The following ZNF404 variants were observed in gnomAD, a reference collection of about 807,000 sequenced individuals.
ZNF404 encodes zinc finger protein 404.
In ZNF404, 7 loss-of-function variants were observed where a neutral mutation model predicts 7.3. The ratio of observed to expected loss-of-function variants is 0.95; its 90% CI spans 0.54 to 1.79. The LOEUF is 1.79. ZNF404 is among the 40% of genes most tolerant of loss of function. The pLI, the probability that ZNF404 is intolerant of heterozygous loss-of-function variation, is 0.00. For missense variants in ZNF404, 560 were observed against 661.5 expected, an observed-to-expected ratio of 0.85 and a Z score of 1.68; for synonymous variants, 191 against 209.9, an observed-to-expected ratio of 0.91 and a Z score of 0.78.
In ZNF404 at chr19:43,873,927, A is replaced by G; in HGVS notation, c.287T>C (p.Phe96Ser). The change falls in exon 3 of 3, where the codon TTT becomes TCT. Residue 96 changes from phenylalanine (F) to serine (S), a missense_variant. By Grantham distance (155) the Phe-to-Ser change is radical. Coordinates refer to ENST00000587539, the MANE Select transcript of ZNF404 (RefSeq NM_001033719.3). ...CACTTTAGGTCTCTGTTGTCTCCCA[A>G]ATTCAATTGTGTACTGTGGGTCAGT... is the stretch of plus-strand genomic sequence containing the variant. ...FRTDPQYTIEFGRQQRPKVGC... is the reference protein window; with the variant it reads ...FRTDPQYTIESGRQQRPKVGC... The G allele has an allele frequency of 1.2e-6, 2 of 1,613,168 alleles. No homozygotes were observed. The highest frequency in any genetic ancestry group is 2.2e-5 in the South Asian group (2 of 91,036).
intron 2 of ZNF404, among the ~76,000 whole-genome samples, chr19:43,876,624 C>T (rs1316524271): frequency 3.9e-5 from 6 of 151,904 alleles, no homozygotes; most frequent in Non-Finnish European, 8.8e-5. Context: ...AAAGTGACAC[C>T]AGCTAGACTT....
intron 1 of ZNF404, among the ~76,000 whole-genome samples, chr19:43,882,849 C>T (rs545977181): frequency 2.0e-5 from 3 of 151,386 alleles, no homozygotes; most frequent in South Asian, 4.2e-4. Flanking sequence ...GACTGTAATC[C>T]CAGCACTTTG....
intron 2 of ZNF404, 80 bp from the exon 3 acceptor site, chr19:43,874,157 G>A (rs866371895): frequency 1.3e-5 from 13 of 983,922 alleles, no homozygotes; most frequent in Admixed American, 9.6e-5. Context: ...TAAAAATAGT[G>A]ATAAACTAAA....
intron 2 of ZNF404, among the ~76,000 whole-genome samples, chr19:43,878,268 T>C (rs966754359): frequency 1.4e-5 from 2 of 147,930 alleles, no homozygotes; most frequent in African/African-American, 5.0e-5. Context: ...TTTTAATGAT[T>C]GCCATTCTAA....
chr19:43,882,141 G>A (rs1273404015), intron 1 of ZNF404, among the ~76,000 whole-genome samples: 1 of 152,160 alleles, frequency 6.6e-6, no homozygotes, highest in Admixed American at 6.5e-5. Flanking sequence ...TAAAGAGTAT[G>A]TGGTGTTTGC....
chr19:43,883,016 G>A (rs562722561), intron 1 of ZNF404, among the ~76,000 whole-genome samples: 3 of 151,684 alleles, frequency 2.0e-5, no homozygotes, highest in Non-Finnish European at 4.4e-5. Context: ...CAGGAGAATC[G>A]CTTGAACCTG....
intron 2 of ZNF404, among the ~76,000 whole-genome samples, chr19:43,877,838 G>GT (rs1402165609): frequency 6.6e-6 from 1 of 150,610 alleles, no homozygotes; most frequent in Non-Finnish European, 1.5e-5. Flanking sequence ...GCGGTGTTTG[G>GT]TTTTTTGTTC....
In ZNF404 at chr19:43,872,420, A is replaced by AT. The variant is rs1210584396; in HGVS notation, c.*134dup. On this transcript the variant is annotated 3_prime_UTR_variant, in exon 3 of 3. Coordinates refer to ENST00000587539, the MANE Select transcript of ZNF404 (RefSeq NM_001033719.3). This position sits in a 1 kb window ranked among gnomAD's most constrained non-coding sequence, Gnocchi z 4.4. ...CTAACAATTATCATAAAAATAATGT[A>AT]TTTAGTAAGCAAATACGATGTGCCA... 1.7e-6 allele frequency: 1 copy of AT among 597,486 alleles called. No homozygotes were observed. The highest frequency in any genetic ancestry group is 1.9e-5 in the African/African-American group (1 of 52,758). The allele number at this position is 597,486 out of a possible 1,614,324, so 37.0% of individuals were successfully genotyped here.
In ZNF404 at chr19:43,873,986, A is replaced by C. The variant is rs545303355; in HGVS notation, c.228T>G (p.Asn76Lys). ...NAYHQETWKR[N>K]KTFNLMRFIF... ...TAAACCTCATAAGGTTGAAGGTTTT[A>C]TTTCTTTTCCATGTCTCCTGATGGT... Residue 76 changes from asparagine (N) to lysine (K), a missense_variant, in exon 3 of 3, where the codon AAT becomes AAG. Transcript: ENST00000587539. The C allele has an allele frequency of 6.8e-6, 11 of 1,612,248 alleles. No homozygotes were observed. Among genetic ancestry groups the C allele is most frequent in the East Asian group, 2.2e-5 (1 of 44,804 alleles).
intron 2 of ZNF404, among the ~76,000 whole-genome samples, chr19:43,878,931 GC>G (rs1971873585): frequency 6.6e-6 from 1 of 151,940 alleles, no homozygotes; most frequent in African/African-American, 2.4e-5. Flanking sequence ...GTGGAAGATA[GC>G]ATCATCTGAA....
At chr19:43,880,665 G>A (rs112493810) in intron 1 of ZNF404, among the ~76,000 whole-genome samples, 22 of 152,128 alleles carry the variant, frequency 1.4e-4, no homozygotes, top group South Asian at 6.2e-4. Context: ...AAAACATTGC[G>A]CAATGATACC....
intron 2 of ZNF404, among the ~76,000 whole-genome samples, chr19:43,874,347 A>AGCATTTTACATACACTATCTTT (rs1415425176): frequency 2.0e-4 from 31 of 152,114 alleles, no homozygotes; most frequent in African/African-American, 7.5e-4. Flanking sequence ...TTACCATAGG[A>AGCATTTTACATACACTATCTTT]GCATTTTACA....
rs767926837 is a variant in ZNF404, at chr19:43,873,410, C to T, written c.804G>A (p.Val268=). The change falls in exon 3 of 3, where the codon GTG becomes GTA. Residue 268 remains valine (V), a synonymous_variant. Coordinates refer to ENST00000587539, the MANE Select transcript of ZNF404 (RefSeq NM_001033719.3). ...MCLHQKIHHG[V]KPYKCKECGK... ...CACATTCTTTACATTTGTAGGGTTT[C>T]ACACCATGATGAATTTTCTGATGCA... 4.3e-6 allele frequency: 7 copies of T among 1,613,384 alleles called. No individual in the cohort carries two copies. The highest frequency in any genetic ancestry group is 5.9e-6 in the Non-Finnish European group (7 of 1,179,662).
chr19:43,880,384 A>T (rs1398276256), intron 1 of ZNF404, among the ~76,000 whole-genome samples: 1 of 152,202 alleles, frequency 6.6e-6, no homozygotes, highest in African/African-American at 2.4e-5. Context: ...ATATAAAAAT[A>T]AATGAAGTCA....
chr19:43,874,357 A>G (rs1971837032), intron 2 of ZNF404, among the ~76,000 whole-genome samples: 1 of 152,106 alleles, frequency 6.6e-6, no homozygotes, highest in South Asian at 2.1e-4. Context: ...AGCATTTTAC[A>G]TACACTATCT....
In ZNF404 at chr19:43,872,444, C is replaced by A; in HGVS notation, c.*111G>T. 1 of 762,002 alleles carries A rather than the reference C, an allele frequency of 1.3e-6. No homozygotes were observed. Among genetic ancestry groups the A allele is most frequent in the East Asian group, 2.9e-5 (1 of 34,506 alleles). 47.2% of individuals were successfully genotyped at this position (762,002 alleles called of 1,614,324 possible). A position where few individuals can be genotyped will look rare whatever the true frequency, so the allele number is the denominator to read the frequency against. Reference sequence around the variant, plus strand: ...TATTTAGTAAGCAAATACGATGTGCCAGATGCCTTTCCAAGTATTTATATT... The same window carrying A: ...TATTTAGTAAGCAAATACGATGTGCAAGATGCCTTTCCAAGTATTTATATT... On this transcript the variant is annotated 3_prime_UTR_variant, in exon 3 of 3. Coordinates refer to ENST00000587539, the MANE Select transcript of ZNF404 (RefSeq NM_001033719.3). This position sits in a 1 kb window ranked among gnomAD's most constrained non-coding sequence, Gnocchi z 4.4.
chr19:43,872,487 A>G lies in ZNF404; in HGVS notation c.*68T>C, dbSNP rs894174642. 8 of 1,279,776 alleles carry G rather than the reference A, an allele frequency of 6.3e-6. No homozygotes were observed. In the Admixed American group the frequency reaches 1.5e-4, roughly 23 times the overall value. 79.3% of individuals were successfully genotyped at this position (1,279,776 alleles called of 1,614,324 possible). On this transcript the variant is annotated 3_prime_UTR_variant, in exon 3 of 3. Coordinates refer to ENST00000587539, the MANE Select transcript of ZNF404 (RefSeq NM_001033719.3). The surrounding 1 kb of genome is among the most constrained non-coding windows in gnomAD (Gnocchi z 4.4). ...TTTATATTCTATATTAACTAGTTTA[A>G]TCTTCACTATAGCATCATAATAGTG... is the stretch of plus-strand genomic sequence containing the variant.
rs868010013 is a variant in ZNF404 at position 43,873,120 on chromosome 19, C to T, written c.1094G>A (p.Cys365Tyr). 5 of 1,613,076 alleles carry T rather than the reference C, an allele frequency of 3.1e-6. No homozygotes were observed. The highest frequency in any genetic ancestry group is 1.7e-5 in the Admixed American group (1 of 59,820). The change falls in exon 3 of 3, where the codon TGT (cysteine) becomes TAT (tyrosine). Residue 365 changes from cysteine to tyrosine, a missense_variant. Transcript: ENST00000587539. ...YDCKDCGKAF[C>Y]RGSQLTQHQR... ...ATGCTGTGTAAGTTGAGAGCCTCTA[C>T]AAAAGGCCTTTCCACAATCCTTACA...
intron 2 of ZNF404, among the ~76,000 whole-genome samples, chr19:43,879,451 C>T (rs1971877494): frequency 6.6e-6 from 1 of 152,150 alleles, no homozygotes; most frequent in Non-Finnish European, 1.5e-5. Context: ...AGAATGGTCA[C>T]CTATCTTCCA....
Sources: gnomAD v4.1 joint callset for allele counts (sites outside exome capture counted in the v4.1 genomes callset) on GRCh38, gnomAD v4.1.1 for gene constraint, Gnocchi (gnomAD v3.1) non-coding constraint, MANE v1.5 for transcripts, NCBI Gene and HGNC (gene_info 2026-07-23, HGNC 2026-07-21) for gene names.